The following EFHD1 variants were observed in gnomAD, a reference collection of about 807,000 sequenced individuals.
EFHD1 encodes EF-hand domain-containing protein D1.
EFHD1 carries 10 observed loss-of-function variants against 17.2 expected under a neutral mutation model. The observed-to-expected ratio is 0.58, with a 90% CI of 0.36 to 0.99. The LOEUF (loss-of-function observed/expected upper bound fraction) is 0.99. EFHD1 is among the 50% of genes least tolerant of loss of function. The pLI, the probability that EFHD1 is intolerant of heterozygous loss-of-function variation, is 0.01. For synonymous variants in EFHD1, 153 were observed against 142.0 expected (o/e 1.08, Z -0.55); for missense variants, 310 against 327.5 (o/e 0.95, Z 0.41).
upstream of EFHD1, among the ~76,000 whole-genome samples, chr2:232,632,509 C>T (rs1694221821): frequency 6.6e-6 from 1 of 152,224 alleles, no homozygotes; most frequent in Admixed American, 6.5e-5. Context: ...CGGCATCAGC[C>T]TTCCTTGGGG....
At chr2:232,638,460 C>T in intron 1 of EFHD1, 1 of 471,114 alleles carries the variant, frequency 2.1e-6, no homozygotes, top group South Asian at 1.5e-5. Flanking sequence ...CCCGCGTTAC[C>T]AAGACACCAG....
At chr2:232,627,065 T>TATATATATA (rs1553596266) in intron 1 of EFHD1, among the ~76,000 whole-genome samples, 1 of 77,714 alleles carries the variant, frequency 1.3e-5, no homozygotes, top group East Asian at 3.2e-4. Context: ...TATATATATA[T>TATATATATA]TTTTTTTTTT....
At chr2:232,671,730 A>C (rs779227129) in intron 2 of EFHD1, among the ~76,000 whole-genome samples, 5 of 150,666 alleles carry the variant, frequency 3.3e-5, no homozygotes, top group Non-Finnish European at 5.9e-5. Context: ...TCCATCTCAA[A>C]AAATTAAATA....
At chr2:232,649,394 G>A (rs1429385112) in intron 1 of EFHD1, among the ~76,000 whole-genome samples, 1 of 152,226 alleles carries the variant, frequency 6.6e-6, no homozygotes, top group Non-Finnish European at 1.5e-5. Context: ...GGAGACCTGG[G>A]GAGGCGGGCC....
chr2:232,672,347 G>A lies in EFHD1; in HGVS notation c.489G>A (p.Leu163=), dbSNP rs1695088651. ...TCCACAAGGCCGCGGCAGGGGAGCTGCAGGAGGACAGTGGGCTGATGGCGC... is the reference window on the plus strand; with the variant it reads ...TCCACAAGGCCGCGGCAGGGGAGCTACAGGAGGACAGTGGGCTGATGGCGC... ...LIFHKAAAGE[L]QEDSGLMALA... is the part of the protein sequence containing the mutation. Residue 163 remains leucine (L), a synonymous_variant, in exon 3 of 4, where the codon CTG becomes CTA. Coordinates refer to ENST00000264059, the MANE Select transcript of EFHD1 (RefSeq NM_025202.4). The A allele has an allele frequency of 1.9e-6, 3 of 1,614,192 alleles. No homozygotes were observed. The highest frequency in any genetic ancestry group is 2.5e-6 in the Non-Finnish European group (3 of 1,180,034).
chr2:232,609,234 T>G (rs1019970510), intron 1 of EFHD1, among the ~76,000 whole-genome samples: 5 of 151,640 alleles, frequency 3.3e-5, no homozygotes, highest in Non-Finnish European at 7.4e-5. Flanking sequence ...TAATTTTTTA[T>G]ATTTTTAGTA....
Position 232,657,584 on chromosome 2 carries a change from C to T in EFHD1, c.303-5218C>T, listed in dbSNP as rs757721566. On this transcript the variant is annotated intron_variant, in intron 1 of 3. Coordinates refer to ENST00000264059, the MANE Select transcript of EFHD1 (RefSeq NM_025202.4). ...CTGCATTTTGGGAGACCGAGGCAGG[C>T]GGATCACCTGAGGTCAGGAGTTCGA... Among the ~76,000 whole-genome samples the T allele has an allele frequency of 4.2e-4, 64 of 151,884 alleles. 1 individual carries two copies. Among genetic ancestry groups the T allele is most frequent in the Non-Finnish European group, 1.3e-4 (9 of 67,976 alleles).
At chr2:232,646,093 C>T (rs1275779441) in intron 1 of EFHD1, among the ~76,000 whole-genome samples, 4 of 152,212 alleles carry the variant, frequency 2.6e-5, no homozygotes, top group Non-Finnish European at 4.4e-5. Flanking sequence ...CTCCCCCATC[C>T]GTCCAACATG....
upstream of EFHD1, among the ~76,000 whole-genome samples, chr2:232,632,937 T>G (rs1694229914): frequency 6.6e-6 from 1 of 152,282 alleles, no homozygotes; most frequent in Non-Finnish European, 1.5e-5. Context: ...TCTTTTCTTG[T>G]GCGTTTCACG....
intron 1 of EFHD1, among the ~76,000 whole-genome samples, chr2:232,627,034 CTCTATATATA>C (rs1255000980): frequency 3.3e-3 from 211 of 64,134 alleles, no homozygotes; most frequent in African/African-American, 0.011. Context: ...CTCTCTCTCT[CTCTATATATA>C]TATATATATA....
intron 1 of EFHD1, among the ~76,000 whole-genome samples, chr2:232,614,949 C>T (rs547061046): frequency 8.7e-4 from 132 of 152,220 alleles, no homozygotes; most frequent in African/African-American, 3.1e-3. Flanking sequence ...GCACTCCAGT[C>T]TGGGTGACAG....
intron 1 of EFHD1, among the ~76,000 whole-genome samples, chr2:232,614,201 T>C (rs573071391): frequency 9.6e-5 from 13 of 135,908 alleles, no homozygotes; most frequent in East Asian, 4.6e-4. Context: ...CACACACACA[T>C]ATATATTTCT....
intron 1 of EFHD1, among the ~76,000 whole-genome samples, chr2:232,644,327 CT>C (rs1041768438): frequency 2.6e-5 from 4 of 152,076 alleles, no homozygotes; most frequent in African/African-American, 9.7e-5. Flanking sequence ...TTCGTCTCCT[CT>C]TAGAAGGGGC....
intron 1 of EFHD1, among the ~76,000 whole-genome samples, chr2:232,639,710 A>G (rs546392162): frequency 6.6e-6 from 1 of 152,152 alleles, no homozygotes; most frequent in African/African-American, 2.4e-5. Flanking sequence ...AGAGTCCACA[A>G]ATCAGGTCTT....
intron 2 of EFHD1, among the ~76,000 whole-genome samples, chr2:232,669,513 T>C (rs1695029531): frequency 6.6e-6 from 1 of 151,958 alleles, no homozygotes; most frequent in Non-Finnish European, 1.5e-5. Context: ...TCGGCAGTAA[T>C]GATACTCAAG....
Position 232,677,734 on chromosome 2 carries a change from A to AT in EFHD1, c.586-3848dup, listed in dbSNP as rs758315720. On this transcript the variant is annotated intron_variant, in intron 3 of 3. Coordinates refer to ENST00000264059, the MANE Select transcript of EFHD1 (RefSeq NM_025202.4). ...TAAGACCTTGTCTCAAAAAAAAGAC[A>AT]TTTAGAAAGTTGAGAACTCTGCTCC... 4.6e-5 allele frequency among the ~76,000 whole-genome samples: 7 copies of AT among 152,122 alleles called. 1 individual carries two copies. The highest frequency in any genetic ancestry group is 1.0e-4 in the Non-Finnish European group (7 of 67,996).
At chr2:232,680,602 A>G (rs1290473160) in intron 3 of EFHD1, among the ~76,000 whole-genome samples, 1 of 152,032 alleles carries the variant, frequency 6.6e-6, no homozygotes, top group African/African-American at 2.4e-5. Flanking sequence ...CTCGACCTCC[A>G]AGGCTCAAGC....
intron 1 of EFHD1, among the ~76,000 whole-genome samples, chr2:232,652,657 T>A (rs1694680604): frequency 6.6e-6 from 1 of 151,976 alleles, no homozygotes; most frequent in Non-Finnish European, 1.5e-5. Context: ...ATCAAAAGGA[T>A]CAGTACATGA....
rs141213324 is a variant in EFHD1, at chr2:232,622,847, C to T, written c.14+16674C>T. ...AGCAGCAAGTGTAAAATACACCCTA[C>T]ATTACAAAGCCTTGGCATGAGATAA... On this transcript the variant is annotated intron_variant, in intron 1 of 3. Coordinates refer to the EFHD1 transcript ENST00000409613. Among the ~76,000 whole-genome samples, 96 of 152,194 alleles carry T rather than the reference C, an allele frequency of 6.3e-4. 1 individual carries two copies. Among genetic ancestry groups the T allele is most frequent in the African/African-American group, 2.2e-3 (91 of 41,528 alleles).
Sources: gnomAD v4.1 joint callset for allele counts (sites outside exome capture counted in the v4.1 genomes callset) on GRCh38, gnomAD v4.1.1 for gene constraint, MANE v1.5 for transcripts, NCBI Gene and HGNC (gene_info 2026-07-23, HGNC 2026-07-21) for gene names.